Variants in PRIM2 observed in about 807,000 individuals in gnomAD.
The protein encoded by PRIM2 is DNA primase large subunit.
In PRIM2, 39 loss-of-function variants were observed where a neutral mutation model predicts 67.3. The ratio of observed to expected loss-of-function variants is 0.58; its 90% CI spans 0.45 to 0.76. The LOEUF is 0.76. PRIM2 is among the 30% of genes least tolerant of loss of function. The probability of loss-of-function intolerance (pLI) is 0.00; values close to 1 mark genes in which losing one functional copy is unlikely to be tolerated. For missense variants in PRIM2, 398 were observed against 598.7 expected (o/e 0.66, Z 3.50); for synonymous variants, 143 against 198.7 (o/e 0.72, Z 2.36).
chr6:57,308,916 T>C, the PRIM2 span, among the ~76,000 whole-genome samples: 1 of 151,836 alleles, frequency 6.6e-6, no homozygotes, highest in African/African-American at 2.4e-5. Context: ...ATGTGCAGAA[T>C]GTGCAGTTTT....
chr6:57,247,840 G>C, the PRIM2 span, among the ~76,000 whole-genome samples: 1 of 152,216 alleles, frequency 6.6e-6, no homozygotes, highest in South Asian at 2.1e-4. Flanking sequence ...AAAATAAACT[G>C]TCATTCTGGA....
chr6:57,557,797 CT>C, intron 10 of PRIM2, among the ~76,000 whole-genome samples: 1 of 152,020 alleles, frequency 6.6e-6, no homozygotes, highest in South Asian at 2.1e-4. Flanking sequence ...AAAGATATGA[CT>C]TTTGACCTCA....
intron 7 of PRIM2, among the ~76,000 whole-genome samples, chr6:57,423,363 A>G (rs529309214): frequency 6.6e-6 from 1 of 152,302 alleles, no homozygotes; most frequent in South Asian, 2.1e-4. Context: ...TTGACAACAT[A>G]TAAAATTAAT....
At chr6:57,600,445 AC>A (rs1223695313) in intron 10 of PRIM2, among the ~76,000 whole-genome samples, 1 of 151,228 alleles carries the variant, frequency 6.6e-6, no homozygotes, top group African/African-American at 2.4e-5. Flanking sequence ...TGCAGCCTCA[AC>A]CCCCCAGCCC....
At chr6:57,308,760 A>C in the PRIM2 span, among the ~76,000 whole-genome samples, 2 of 152,180 alleles carry the variant, frequency 1.3e-5, no homozygotes, top group Admixed American at 6.5e-5. Context: ...TTCAATTACT[A>C]ATGTAATTAA....
At position 57,357,869 on chromosome 6, in the gene PRIM2, C is replaced by T. The variant is rs1769084170; in HGVS notation, c.460-22032C>T. 2.6e-5 allele frequency among the ~76,000 whole-genome samples: 4 copies of T among 152,120 alleles called. No homozygotes were observed. The South Asian group carries it at 8.3e-4, about 32-fold the overall frequency. On this transcript the variant is annotated intron_variant, in intron 5 of 13. Transcript: ENST00000615550. Reference sequence around the variant, plus strand: ...TTGGCCTCCCAAAGTGCTGGGGTTACAGGCATGAGCCACCGCACCCGGCTT... The same window carrying T: ...TTGGCCTCCCAAAGTGCTGGGGTTATAGGCATGAGCCACCGCACCCGGCTT...
At chr6:57,255,273 C>T in the PRIM2 span, among the ~76,000 whole-genome samples, 5 of 151,996 alleles carry the variant, frequency 3.3e-5, no homozygotes, top group South Asian at 2.1e-4. Flanking sequence ...CCGAGGCGGG[C>T]GGATCACGAG....
the PRIM2 span, among the ~76,000 whole-genome samples, chr6:57,233,752 T>C: frequency 6.6e-6 from 1 of 151,770 alleles, no homozygotes; most frequent in Non-Finnish European, 1.5e-5. Flanking sequence ...TGGGCTCAAG[T>C]GATTCGATCC....
chr6:57,350,917 T>C (rs561460843), intron 5 of PRIM2, among the ~76,000 whole-genome samples: 68 of 152,086 alleles, frequency 4.5e-4, no homozygotes, highest in African/African-American at 1.6e-3. Context: ...TTGATTCTGG[T>C]TTTACATTTT....
At chr6:57,333,519 G>T (rs1768125732) in intron 5 of PRIM2, among the ~76,000 whole-genome samples, 3 of 152,074 alleles carry the variant, frequency 2.0e-5, no homozygotes, top group Admixed American at 2.0e-4. Flanking sequence ...TGGGAACTTG[G>T]TGGACTCTTT....
chr6:57,522,670 G>A (rs1774650650), intron 8 of PRIM2, among the ~76,000 whole-genome samples: 1 of 152,066 alleles, frequency 6.6e-6, no homozygotes, highest in South Asian at 2.1e-4. Flanking sequence ...ATTTTAATAT[G>A]TAATCACTAT....
the PRIM2 span, among the ~76,000 whole-genome samples, chr6:57,236,571 C>G: frequency 6.6e-6 from 1 of 152,048 alleles, no homozygotes; most frequent in Admixed American, 6.5e-5. Context: ...CCCTCTCCCC[C>G]CACCCCACAA....
intron 7 of PRIM2, among the ~76,000 whole-genome samples, chr6:57,499,362 C>T (rs1330537838): frequency 4.0e-4 from 61 of 152,180 alleles, no homozygotes; most frequent in African/African-American, 1.4e-3. Context: ...GAGGGAACAA[C>T]AGAAACAAGG....
intron 7 of PRIM2, among the ~76,000 whole-genome samples, chr6:57,456,909 C>A (rs1476337119): frequency 6.6e-6 from 1 of 152,164 alleles, no homozygotes. Flanking sequence ...TTTTCCCCAT[C>A]TTTGTGGTTT....
chr6:57,226,936 G>A, the PRIM2 span, among the ~76,000 whole-genome samples: 9 of 152,148 alleles, frequency 5.9e-5, no homozygotes, highest in African/African-American at 2.2e-4. Context: ...AGTGTGAGTC[G>A]GGGAATAATC....
At chr6:57,316,062 G>A (rs1443749983), upstream of PRIM2, among the ~76,000 whole-genome samples, 1 of 152,200 alleles carries the variant, frequency 6.6e-6, no homozygotes, top group Non-Finnish European at 1.5e-5. Context: ...TTAGCACAGT[G>A]GGGCCTGGAG....
chr6:57,363,639 T>C (rs1443520309), intron 5 of PRIM2, among the ~76,000 whole-genome samples: 1 of 152,178 alleles, frequency 6.6e-6, no homozygotes, highest in Non-Finnish European at 1.5e-5. Context: ...TGTAGCTCAT[T>C]TGAAGGTAAG....
intron 5 of PRIM2, among the ~76,000 whole-genome samples, chr6:57,371,877 C>T (rs1353151002): frequency 6.6e-6 from 1 of 152,160 alleles, no homozygotes; most frequent in East Asian, 1.9e-4. Context: ...GTCTGGTTGC[C>T]TATTTGAGTT....
chr6:57,484,394 T>C (rs1244433428), intron 7 of PRIM2, among the ~76,000 whole-genome samples: 1 of 152,158 alleles, frequency 6.6e-6, no homozygotes, highest in Non-Finnish European at 1.5e-5. Context: ...TTCCAGAGTA[T>C]AGAATAAGAA....
Sources: gnomAD v4.1 joint callset for allele counts (sites outside exome capture counted in the v4.1 genomes callset) on GRCh38, gnomAD v4.1.1 for gene constraint, MANE v1.5 for transcripts, NCBI Gene and HGNC (gene_info 2026-07-23, HGNC 2026-07-21) for gene names.